Variants in CNTNAP2 observed in about 807,000 individuals in gnomAD.
CNTNAP2 encodes contactin associated protein 2.
In CNTNAP2, 98 loss-of-function variants were observed where a neutral mutation model predicts 155.2. The ratio of observed to expected loss-of-function variants is 0.63; its 90% CI spans 0.54 to 0.75. The LOEUF is 0.75. Among genes scored for constraint, CNTNAP2 ranks in the 30% least tolerant of loss-of-function variants. CNTNAP2 has a pLI of 0.00. For synonymous variants in CNTNAP2, 651 were observed against 631.2 expected, an observed-to-expected ratio of 1.03 and a Z score of -0.47; for missense variants, 1,727 against 1,688.1, an observed-to-expected ratio of 1.02 and a Z score of -0.40.
At chr7:147,425,117 A>G (rs1797356515) in intron 10 of CNTNAP2, among the ~76,000 whole-genome samples, 1 of 149,562 alleles carries the variant, frequency 6.7e-6, no homozygotes. Context: ...TGTAAAAGCC[A>G]AAGGTTTTGC....
At chr7:147,522,524 A>G (rs1225128701) in intron 11 of CNTNAP2, among the ~76,000 whole-genome samples, 1 of 152,092 alleles carries the variant, frequency 6.6e-6, no homozygotes, top group Non-Finnish European at 1.5e-5. Context: ...GTTGTAGCAG[A>G]GCCTATAAAT....
At chr7:146,863,451 T>C (rs930977402) in intron 3 of CNTNAP2, among the ~76,000 whole-genome samples, 18 of 152,124 alleles carry the variant, frequency 1.2e-4, no homozygotes, top group Non-Finnish European at 1.3e-4. Context: ...GCTTTAATTA[T>C]AACATTAGTC....
chr7:146,483,274 T>TA (rs1172354064), intron 1 of CNTNAP2, among the ~76,000 whole-genome samples: 1,146 of 40,764 alleles, frequency 0.028, 54 homozygotes, highest in Non-Finnish European at 0.037. Context: ...AGACTCCGTC[T>TA]AAAAAAAAAT....
chr7:146,354,425 T>G (rs192349260), intron 1 of CNTNAP2, among the ~76,000 whole-genome samples: 4,631 of 151,178 alleles, frequency 0.031, 106 homozygotes, highest in African/African-American at 0.065. Flanking sequence ...TTTTTTTTTT[T>G]TTTGTTTGAG....
chr7:147,249,042 A>C (rs1351285337), intron 8 of CNTNAP2, among the ~76,000 whole-genome samples: 1 of 152,190 alleles, frequency 6.6e-6, no homozygotes, highest in Non-Finnish European at 1.5e-5. Context: ...ATTTCTGAAT[A>C]CCAGAGACTG....
chr7:146,305,039 C>T (rs940340295), intron 1 of CNTNAP2, among the ~76,000 whole-genome samples: 23 of 152,122 alleles, frequency 1.5e-4, no homozygotes, highest in Admixed American at 1.3e-3. Context: ...ATCACAGACA[C>T]CTTTTCTTCC....
chr7:147,463,357 A>C (rs1169376699), intron 10 of CNTNAP2, among the ~76,000 whole-genome samples: 1 of 152,222 alleles, frequency 6.6e-6, no homozygotes, highest in African/African-American at 2.4e-5. Flanking sequence ...TTGAACATCT[A>C]AAATAGATGA....
intron 1 of CNTNAP2, among the ~76,000 whole-genome samples, chr7:146,398,690 T>C (rs1479021834): frequency 6.6e-6 from 1 of 152,196 alleles, no homozygotes; most frequent in Non-Finnish European, 1.5e-5. Context: ...TTTTATATTC[T>C]CTGGACTTTG....
In CNTNAP2 at chr7:147,689,628, G is replaced by T. The variant is rs75599676; in HGVS notation, c.2098+50322G>T. ...TGATCAAAACACCAAAATATACTTTGTGCTAAACATTTCATTGTGCACTAT... is the reference window on the plus strand; with the variant it reads ...TGATCAAAACACCAAAATATACTTTTTGCTAAACATTTCATTGTGCACTAT... On this transcript the variant is annotated intron_variant, in intron 13 of 23. Transcript: ENST00000361727. Among the ~76,000 whole-genome samples, 1,121 of 152,112 alleles carry T rather than the reference G, an allele frequency of 7.4e-3. 10 individuals are homozygous for T. The highest frequency in any genetic ancestry group is 0.026 in the African/African-American group (1,065 of 41,490).
intron 2 of CNTNAP2, among the ~76,000 whole-genome samples, chr7:146,794,413 G>A (rs147397049): frequency 3.7e-4 from 56 of 152,194 alleles, no homozygotes; most frequent in African/African-American, 1.2e-3. Flanking sequence ...ACAAGAGAAT[G>A]CATTCTTTAA....
chr7:147,351,989 C>A (rs1795974815), intron 9 of CNTNAP2, among the ~76,000 whole-genome samples: 1 of 151,874 alleles, frequency 6.6e-6, no homozygotes, highest in Non-Finnish European at 1.5e-5. Flanking sequence ...TAAAATGTGC[C>A]AATTCTTCAA....
At chr7:147,002,223 A>G (rs1206263642) in intron 3 of CNTNAP2, among the ~76,000 whole-genome samples, 1 of 152,042 alleles carries the variant, frequency 6.6e-6, no homozygotes, top group African/African-American at 2.4e-5. Context: ...GTCCAGCCAA[A>G]TGGATGAACA....
At chr7:147,708,396 C>A (rs1378984414) in intron 13 of CNTNAP2, among the ~76,000 whole-genome samples, 1 of 152,122 alleles carries the variant, frequency 6.6e-6, no homozygotes, top group African/African-American at 2.4e-5. Flanking sequence ...TGAGGAATGT[C>A]AATAGGACAC....
chr7:147,673,314 G>A (rs1202261187), intron 13 of CNTNAP2, among the ~76,000 whole-genome samples: 1 of 152,186 alleles, frequency 6.6e-6, no homozygotes, highest in Non-Finnish European at 1.5e-5. Context: ...TAATTACCAT[G>A]TAACTGATTA....
chr7:147,414,201 G>A (rs1423981644), intron 10 of CNTNAP2, among the ~76,000 whole-genome samples: 3 of 152,062 alleles, frequency 2.0e-5, no homozygotes, highest in East Asian at 3.9e-4. Flanking sequence ...AAGGCAGGCC[G>A]ATCGCTTGCG....
intron 4 of CNTNAP2, among the ~76,000 whole-genome samples, chr7:147,071,201 A>G (rs755722770): frequency 1.6e-4 from 25 of 151,966 alleles, no homozygotes; most frequent in Non-Finnish European, 2.4e-4. Flanking sequence ...GTTTAGTTAA[A>G]TTTTCTCCAT....
intron 12 of CNTNAP2, among the ~76,000 whole-genome samples, chr7:147,571,654 T>A (rs762255826): frequency 2.0e-5 from 3 of 152,110 alleles, no homozygotes; most frequent in Admixed American, 2.0e-4. Context: ...AGAGAGGAAA[T>A]CATGTAGAAA....
intron 5 of CNTNAP2, among the ~76,000 whole-genome samples, chr7:147,112,897 T>G (rs1800910894): frequency 1.3e-5 from 2 of 152,164 alleles, no homozygotes; most frequent in African/African-American, 4.8e-5. Flanking sequence ...GATGCTGGCC[T>G]CATAGAGTGT....
At chr7:147,332,342 AATG>A (rs1457866694) in intron 9 of CNTNAP2, among the ~76,000 whole-genome samples, 6 of 152,184 alleles carry the variant, frequency 3.9e-5, no homozygotes, top group Non-Finnish European at 8.8e-5. Flanking sequence ...ATTTGTTTTT[AATG>A]ATGAAGTTAT....
Sources: gnomAD v4.1 joint callset for allele counts (sites outside exome capture counted in the v4.1 genomes callset) on GRCh38, gnomAD v4.1.1 for gene constraint, MANE v1.5 for transcripts, NCBI Gene and HGNC (gene_info 2026-07-23, HGNC 2026-07-21) for gene names.